NYAP1: variants seen among roughly 807,000 people sequenced by gnomAD.
The protein encoded by NYAP1 is neuronal tyrosine-phosphorylated phosphoinositide-3-kinase adapter 1.
In NYAP1, 20 loss-of-function variants were observed where a neutral mutation model predicts 58.6. The observed-to-expected ratio is 0.34, with a 90% CI of 0.24 to 0.50. The LOEUF is 0.50. Ranked by LOEUF, NYAP1 falls within the 20% of genes least tolerant of loss-of-function variation. The pLI is 0.98. For missense variants in NYAP1, 1,150 were observed against 1,194.5 expected (o/e 0.96, Z 0.55); for synonymous variants, 572 against 523.1 (o/e 1.09, Z -1.27).
Position 100,494,105 on chromosome 7 carries a change from CGGA to C in NYAP1, c.*214_*216del, listed in dbSNP as rs1799837585. 29 of 509,930 alleles carry C rather than the reference CGGA, an allele frequency of 5.7e-5. No individual in the cohort carries two copies. The highest frequency in any genetic ancestry group is 2.6e-4 in the South Asian group (8 of 30,468). 31.6% of individuals were successfully genotyped at this position (509,930 alleles called of 1,614,324 possible). ...GGATGCCAACAGCGCTGCTGAGAAA[CGGA>C]GGAGGAGGAGGGTTTGCTTGAGGTT... On this transcript the variant is annotated 3_prime_UTR_variant, in exon 7 of 7. Transcript: ENST00000300179.
chr7:100,484,087 G>A (rs1298271013), intron 1 of NYAP1, 86 bp downstream of exon 1: 2 of 153,316 alleles, frequency 1.3e-5, no homozygotes, highest in African/African-American at 4.8e-5. Context: ...CGGAGCGAAA[G>A]GCGGAGAAGC....
At position 100,488,963 on chromosome 7, in the gene NYAP1, C is replaced by G. The variant is rs1563188827; in HGVS notation, c.1242C>G (p.Gly414=). The change falls in exon 4 of 7, where the codon GGC becomes GGG. Residue 414 remains glycine, a synonymous_variant. Coordinates refer to ENST00000300179, the MANE Select transcript of NYAP1 (RefSeq NM_173564.4). This position sits in a 1 kb window ranked among gnomAD's most constrained non-coding sequence, Gnocchi z 5.9. ...RSHSTPLPPQ[G]SGQPRGEREL... ...ACTCGACACCGTTGCCACCCCAGGG[C>G]TCTGGCCAGCCCCGGGGGGAGCGGG... 1.9e-6 allele frequency: 3 copies of G among 1,575,344 alleles called. No homozygotes were observed. Among genetic ancestry groups the G allele is most frequent in the Non-Finnish European group, 2.6e-6 (3 of 1,167,944 alleles).
At chr7:100,484,232 A>G (rs1256514019) in intron 1 of NYAP1, among the ~76,000 whole-genome samples, 1 of 151,794 alleles carries the variant, frequency 6.6e-6, no homozygotes, top group African/African-American at 2.4e-5. Flanking sequence ...GCCTGGGAGG[A>G]GAAGTGAGGC....
At chr7:100,492,396 G>C (rs1180598252) in intron 6 of NYAP1, among the ~76,000 whole-genome samples, 2 of 152,124 alleles carry the variant, frequency 1.3e-5, no homozygotes, top group African/African-American at 2.4e-5. Flanking sequence ...AGATCAGTCA[G>C]GGCCACCACT....
At position 100,486,554 on chromosome 7, in the gene NYAP1, G is replaced by T. The variant is rs1295200962; in HGVS notation, c.69-267G>T. Among the ~76,000 whole-genome samples the T allele has an allele frequency of 6.6e-6, 1 of 152,052 alleles. No individual in the cohort carries two copies. Among genetic ancestry groups the T allele is most frequent in the East Asian group, 1.9e-4 (1 of 5,188 alleles). The stretch of plus-strand genomic sequence containing the variant: ...CTGTCCACACAGGTGCCCAGGCTGG[G>T]ATCCGCCAGCCCCAGGGATGCTCCC... On this transcript the variant is annotated intron_variant, in intron 2 of 6. Coordinates refer to ENST00000300179, the MANE Select transcript of NYAP1 (RefSeq NM_173564.4). This position sits in a 1 kb window ranked among gnomAD's most constrained non-coding sequence, Gnocchi z 6.2.
In NYAP1 at chr7:100,487,142, G is replaced by A; in HGVS notation, c.390G>A (p.Gly130=). The A allele has an allele frequency of 6.5e-7, 1 of 1,537,674 alleles. No individual in the cohort carries two copies. The highest frequency in any genetic ancestry group is 8.7e-7 in the Non-Finnish European group (1 of 1,143,438). The change falls in exon 3 of 7, where the codon GGG becomes GGA. Residue 130 remains glycine, a synonymous_variant. Transcript: ENST00000300179. This position sits in a 1 kb window ranked among gnomAD's most constrained non-coding sequence, Gnocchi z 4.1. ...CCAGCACCAAGCTCAGCATGGTGGG[G>A]CCTGGGTCTGGGGCAGAGACGCCCC... ...RHPSTKLSMV[G]PGSGAETPPS... is the part of the protein sequence containing the mutation.
In NYAP1 at chr7:100,487,229, G is replaced by T. The variant is rs1168957513; in HGVS notation, c.430+47G>T. On this transcript the variant is annotated intron_variant, in intron 3 of 6. Coordinates refer to ENST00000300179, the MANE Select transcript of NYAP1 (RefSeq NM_173564.4). The surrounding 1 kb of genome is among the most constrained non-coding windows in gnomAD (Gnocchi z 4.1). The stretch of plus-strand genomic sequence containing the variant: ...CCTGGGGTGGAGCTGGGAGCTGGGA[G>T]GATCTATTCCACGCCCGGGGAGGCT... The T allele has an allele frequency of 6.8e-7, 1 of 1,462,368 alleles. No homozygotes were observed. The highest frequency in any genetic ancestry group is 9.0e-7 in the Non-Finnish European group (1 of 1,107,168). 90.6% of individuals were successfully genotyped at this position (1,462,368 alleles called of 1,614,324 possible). A position where few individuals can be genotyped will look rare whatever the true frequency, so the allele number is the denominator to read the frequency against.
At chr7:100,492,457 C>G (rs1162105648) in intron 6 of NYAP1, among the ~76,000 whole-genome samples, 2 of 152,132 alleles carry the variant, frequency 1.3e-5, no homozygotes, top group African/African-American at 2.4e-5. Flanking sequence ...CCCCACTGGG[C>G]ACTATGTCTT....
chr7:100,489,056 G>A lies in NYAP1; in HGVS notation c.1335G>A (p.Pro445=), dbSNP rs369755361. 521 of 1,538,144 alleles carry A rather than the reference G, an allele frequency of 3.4e-4. 1 individual carries two copies. The highest frequency in any genetic ancestry group is 3.0e-3 in the African/African-American group (218 of 73,134). ...AAGAPAAPPA[P]AALLPGPPKD... Reference sequence around the variant, plus strand: ...GGGCGCCGGCAGCCCCCCCTGCCCCGGCCGCCTTGCTCCCCGGCCCCCCCA... The same window carrying A: ...GGGCGCCGGCAGCCCCCCCTGCCCCAGCCGCCTTGCTCCCCGGCCCCCCCA... The change falls in exon 4 of 7, where the codon CCG becomes CCA. Residue 445 remains proline, a synonymous_variant. Transcript: ENST00000300179.
In NYAP1 at chr7:100,488,560, C is replaced by T. The variant is rs1799739619; in HGVS notation, c.839C>T (p.Pro280Leu). Reference protein sequence around the residue: ...EEAGEGRANGPPPLTATSPPQ... With the variant: ...EEAGEGRANGLPPLTATSPPQ... ...GCTGGGGAAGGCCGGGCCAATGGCC[C>T]TCCACCATTGACGGCAACATCCCCG... The change falls in exon 4 of 7, where the codon CCT becomes CTT. Residue 280 changes from proline (P) to leucine (L), a missense_variant. Transcript: ENST00000300179. The surrounding 1 kb of genome is among the most constrained non-coding windows in gnomAD (Gnocchi z 5.9). The T allele has an allele frequency of 2.5e-6, 4 of 1,610,570 alleles. No individual in the cohort carries two copies. In the South Asian group the frequency reaches 4.4e-5, roughly 18 times the overall value.
At chr7:100,489,946 G>A (rs1799772453) in intron 4 of NYAP1, among the ~76,000 whole-genome samples, 1 of 152,068 alleles carries the variant, frequency 6.6e-6, no homozygotes, top group Non-Finnish European at 1.5e-5. Flanking sequence ...GGGCTGCAGG[G>A]GTGTGTGCTT....
At position 100,488,568 on chromosome 7, in the gene NYAP1, T is replaced by G; in HGVS notation, c.847T>G (p.Leu283Val). Residue 283 changes from leucine (L) to valine (V), a missense_variant, in exon 4 of 7, where the codon TTG (leucine) becomes GTG (valine). Transcript: ENST00000300179. The surrounding 1 kb of genome is among the most constrained non-coding windows in gnomAD (Gnocchi z 5.9). ...AGGCCGGGCCAATGGCCCTCCACCATTGACGGCAACATCCCCGCCACAACA... is the reference window on the plus strand; with the variant it reads ...AGGCCGGGCCAATGGCCCTCCACCAGTGACGGCAACATCCCCGCCACAACA... The part of the protein sequence containing the change: ...GEGRANGPPP[L>V]TATSPPQQPH... The G allele has an allele frequency of 6.2e-7, 1 of 1,606,542 alleles. No homozygotes were observed. The highest frequency in any genetic ancestry group is 8.5e-7 in the Non-Finnish European group (1 of 1,176,904).
Position 100,485,416 on chromosome 7 carries a change from C to G in NYAP1, c.68+37C>G, listed in dbSNP as rs1338385046. The G allele has an allele frequency of 2.7e-6, 4 of 1,504,358 alleles. No homozygotes were observed. Among genetic ancestry groups the G allele is most frequent in the Non-Finnish European group, 3.6e-6 (4 of 1,099,370 alleles). 93.2% of individuals were successfully genotyped at this position (1,504,358 alleles called of 1,614,324 possible). A position where few individuals can be genotyped will look rare whatever the true frequency, so the allele number is the denominator to read the frequency against. ...CCCCAGACTGCTCCCTTCCCTTCCG[C>G]ACCTCTGCCTGCCCCCTCACTGGGC... On this transcript the variant is annotated intron_variant, in intron 2 of 6. Coordinates refer to ENST00000300179, the MANE Select transcript of NYAP1 (RefSeq NM_173564.4). The surrounding 1 kb of genome is among the most constrained non-coding windows in gnomAD (Gnocchi z 5.7).
rs745900575 is a variant in NYAP1, at chr7:100,485,279, G to C, written c.-33G>C. The C allele has an allele frequency of 6.7e-7, 1 of 1,502,848 alleles. No individual in the cohort carries two copies. Among genetic ancestry groups the C allele is most frequent in the Admixed American group, 1.9e-5 (1 of 53,256 alleles). 93.1% of individuals were successfully genotyped at this position (1,502,848 alleles called of 1,614,324 possible). A position where few individuals can be genotyped will look rare whatever the true frequency, so the allele number is the denominator to read the frequency against. On this transcript the variant is annotated 5_prime_UTR_variant, in exon 2 of 7. Transcript: ENST00000300179. The surrounding 1 kb of genome is among the most constrained non-coding windows in gnomAD (Gnocchi z 5.7). ...CCCCCGGGCCTGGTGGCACTGAGCAGGGCCCCCCAGCCCCCACCTCCTGCC... is the reference window on the plus strand; with the variant it reads ...CCCCCGGGCCTGGTGGCACTGAGCACGGCCCCCCAGCCCCCACCTCCTGCC...
chr7:100,489,157 C>T lies in NYAP1; in HGVS notation c.1436C>T (p.Pro479Leu), dbSNP rs199570547. The change falls in exon 4 of 7, where the codon CCA becomes CTA. Residue 479 changes from proline (P) to leucine (L), a missense_variant. Pro to Leu is a moderately conservative substitution (Grantham distance 98). Transcript: ENST00000300179. ...VTTHSVLPAGPPLGAGEPKTE... is the reference protein window; with the variant it reads ...VTTHSVLPAGLPLGAGEPKTE... ...ACGCACTCTGTCCTGCCAGCTGGTCCACCCCTGGGTGCTGGGGAGCCAAAG... is the reference window on the plus strand; with the variant it reads ...ACGCACTCTGTCCTGCCAGCTGGTCTACCCCTGGGTGCTGGGGAGCCAAAG... 5.3e-5 allele frequency: 86 copies of T among 1,609,984 alleles called. 1 individual carries two copies. The highest frequency in any genetic ancestry group is 1.9e-4 in the South Asian group (17 of 90,410).
At position 100,489,479 on chromosome 7, in the gene NYAP1, C is replaced by T. The variant is rs138571030; in HGVS notation, c.1758C>T (p.Val586=). The T allele has an allele frequency of 6.8e-6, 11 of 1,613,050 alleles. No individual in the cohort carries two copies. The African/African-American group carries it at 1.1e-4, about 16-fold the overall frequency. Residue 586 remains valine, a synonymous_variant, in exon 4 of 7, where the codon GTC becomes GTT. Transcript: ENST00000300179. ...GCGVGAPSPM[V]KIQLQEQGTD... ...GTGTGGGGGCCCCATCCCCCATGGT[C>T]AAGATCCAGCTGCAGGAGCAAGGGA...
In NYAP1 at chr7:100,485,455, G is replaced by C. The variant is rs67040465; in HGVS notation, c.68+76G>C. The C allele has an allele frequency of 1.7e-6, 2 of 1,196,816 alleles. No individual in the cohort carries two copies. Among genetic ancestry groups the C allele is most frequent in the Admixed American group, 2.2e-5 (1 of 46,070 alleles). 74.1% of individuals were successfully genotyped at this position (1,196,816 alleles called of 1,614,324 possible). The stretch of plus-strand genomic sequence containing the variant: ...CCCTCACTGGGCCACAGCCCTTCTC[G>C]GGGGCCGGCAGCCTTGTCATGAGTG... On this transcript the variant is annotated intron_variant, in intron 2 of 6. Coordinates refer to ENST00000300179, the MANE Select transcript of NYAP1 (RefSeq NM_173564.4). This position sits in a 1 kb window ranked among gnomAD's most constrained non-coding sequence, Gnocchi z 5.7.
At position 100,486,840 on chromosome 7, in the gene NYAP1, C is replaced by T; in HGVS notation, c.88C>T (p.Pro30Ser). The T allele has an allele frequency of 1.3e-6, 2 of 1,519,826 alleles. No individual in the cohort carries two copies. The highest frequency in any genetic ancestry group is 8.8e-7 in the Non-Finnish European group (1 of 1,138,708). 94.1% of individuals were successfully genotyped at this position (1,519,826 alleles called of 1,614,324 possible). The change falls in exon 3 of 7, where the codon CCC (proline) becomes TCC (serine). Residue 30 changes from proline to serine, a missense_variant. Coordinates refer to ENST00000300179, the MANE Select transcript of NYAP1 (RefSeq NM_173564.4). This position sits in a 1 kb window ranked among gnomAD's most constrained non-coding sequence, Gnocchi z 6.2. Reference protein sequence around the residue: ...AKRSSSKEVAPAGSAGPAAGQ... With the variant: ...AKRSSSKEVASAGSAGPAAGQ... ...CCCCAGCTCCAGTAAGGAGGTGGCC[C>T]CCGCTGGCTCGGCTGGGCCCGCGGC... is the stretch of plus-strand genomic sequence containing the variant.
rs1799702540 is a variant in NYAP1 at position 100,486,392 on chromosome 7, G to A, written c.69-429G>A. Among the ~76,000 whole-genome samples, 1 of 152,140 alleles carries A rather than the reference G, an allele frequency of 6.6e-6. No homozygotes were observed. The highest frequency in any genetic ancestry group is 1.5e-5 in the Non-Finnish European group (1 of 68,010). On this transcript the variant is annotated intron_variant, in intron 2 of 6. Coordinates refer to ENST00000300179, the MANE Select transcript of NYAP1 (RefSeq NM_173564.4). This position sits in a 1 kb window ranked among gnomAD's most constrained non-coding sequence, Gnocchi z 6.2. ...AGAGGAGGTGTGCCGTGGGGGCAGA[G>A]GTCACAGTGGCTGGGCAGGAGGGGT...
Sources: gnomAD v4.1 joint callset for allele counts (sites outside exome capture counted in the v4.1 genomes callset) on GRCh38, gnomAD v4.1.1 for gene constraint, Gnocchi (gnomAD v3.1) non-coding constraint, MANE v1.5 for transcripts, NCBI Gene and HGNC (gene_info 2026-07-23, HGNC 2026-07-21) for gene names.